ZDHHC14: variants seen among roughly 807,000 people sequenced by gnomAD.
ZDHHC14 encodes zDHHC palmitoyltransferase 14.
Under a neutral mutation model 47.7 loss-of-function variants are expected in ZDHHC14, and 16 were observed. The observed-to-expected ratio is 0.34, with a 90% confidence interval of 0.23 to 0.51. The LOEUF (loss-of-function observed/expected upper bound fraction) is 0.51. Among genes scored for constraint, ZDHHC14 ranks in the 20% least tolerant of loss-of-function variants. The pLI is 0.97. For missense variants in ZDHHC14, 515 were observed against 662.5 expected, an observed-to-expected ratio of 0.78 and a Z score of 2.44; for synonymous variants, 293 against 278.9, an observed-to-expected ratio of 1.05 and a Z score of -0.50.
rs1336362025 is a variant in ZDHHC14 at position 157,463,539 on chromosome 6, C to T, written c.246-79046C>T. Among the ~76,000 whole-genome samples the T allele has an allele frequency of 1.3e-5, 2 of 152,172 alleles. No homozygotes were observed. The highest frequency in any genetic ancestry group is 2.9e-5 in the Non-Finnish European group (2 of 68,024). On this transcript the variant is annotated intron_variant, in intron 1 of 8. Coordinates refer to ENST00000359775, the MANE Select transcript of ZDHHC14 (RefSeq NM_024630.3). This position sits in a 1 kb window ranked among gnomAD's most constrained non-coding sequence, Gnocchi z 4.4. ...GAGGGGTTGACAGTGACTGAGCCTA[C>T]AGGAAGAATCATCAGAAAGGAATGT...
intron 1 of ZDHHC14, among the ~76,000 whole-genome samples, chr6:157,542,165 A>C (rs904605763): frequency 6.6e-6 from 1 of 152,188 alleles, no homozygotes; most frequent in Non-Finnish European, 1.5e-5. Flanking sequence ...GGCTCTCATG[A>C]AGATCATTCT....
At chr6:157,598,790 G>C (rs534303626) in intron 3 of ZDHHC14, among the ~76,000 whole-genome samples, 1 of 152,116 alleles carries the variant, frequency 6.6e-6, no homozygotes, top group Non-Finnish European at 1.5e-5. Context: ...GTTGAACTTC[G>C]TTTTTACAAA....
intron 1 of ZDHHC14, among the ~76,000 whole-genome samples, chr6:157,425,675 C>G (rs1422182990): frequency 6.6e-6 from 1 of 152,196 alleles, no homozygotes; most frequent in Non-Finnish European, 1.5e-5. Flanking sequence ...TCATGTCACT[C>G]TTCTGCTTCC....
At chr6:157,611,530 A>G (rs139025680) in intron 3 of ZDHHC14, among the ~76,000 whole-genome samples, 3 of 152,220 alleles carry the variant, frequency 2.0e-5, no homozygotes, top group East Asian at 1.9e-4. Flanking sequence ...GCACATTTTC[A>G]TCCTGTTCTG....
intron 1 of ZDHHC14, among the ~76,000 whole-genome samples, chr6:157,485,210 T>C (rs903319871): frequency 1.3e-5 from 2 of 152,202 alleles, no homozygotes; most frequent in African/African-American, 4.8e-5. Context: ...CGTGAACTTG[T>C]ACAACAGCAT....
chr6:157,522,890 A>ATCCT (rs1170981998), intron 1 of ZDHHC14, among the ~76,000 whole-genome samples: 291 of 25,684 alleles, frequency 0.011, 31 homozygotes, highest in East Asian at 0.035. Context: ...TCTTCCTACC[A>ATCCT]TCCTTCCTTC....
At chr6:157,559,222 G>T (rs897775116) in intron 2 of ZDHHC14, among the ~76,000 whole-genome samples, 2 of 152,246 alleles carry the variant, frequency 1.3e-5, no homozygotes. Context: ...GGATGTGGTG[G>T]TCGGCCATCT....
At chr6:157,554,948 A>T (rs1304161637) in intron 2 of ZDHHC14, among the ~76,000 whole-genome samples, 2 of 152,108 alleles carry the variant, frequency 1.3e-5, no homozygotes, top group Non-Finnish European at 2.9e-5. Flanking sequence ...GGGTGCCTGC[A>T]CCCCTGTGTG....
chr6:157,548,308 G>T (rs9457751), intron 2 of ZDHHC14, among the ~76,000 whole-genome samples: 87,854 of 151,996 alleles, frequency 0.58, 25,604 homozygotes, highest in Admixed American at 0.62. Context: ...AGCCTCTCAC[G>T]CACTCTGACT....
At chr6:157,517,321 C>CTTTT (rs34872988) in intron 1 of ZDHHC14, among the ~76,000 whole-genome samples, 77,452 of 145,674 alleles carry the variant, frequency 0.53, 20,691 homozygotes, top group Non-Finnish European at 0.57. Context: ...TATAGTATCT[C>CTTTT]TTTTTTTTTT....
intron 1 of ZDHHC14, among the ~76,000 whole-genome samples, chr6:157,475,304 T>A (rs241579): frequency 6.6e-6 from 1 of 152,012 alleles, no homozygotes; most frequent in Non-Finnish European, 1.5e-5. Context: ...AAGCAGGTAA[T>A]GTGATGCCTC....
Position 157,673,167 on chromosome 6 carries a change from G to T in ZDHHC14, c.*45G>T. On this transcript the variant is annotated 3_prime_UTR_variant, in exon 9 of 9. Coordinates refer to ENST00000359775, the MANE Select transcript of ZDHHC14 (RefSeq NM_024630.3). This position sits in a 1 kb window ranked among gnomAD's most constrained non-coding sequence, Gnocchi z 5.4. ...GGGGACACCAGAGGCTCCTCCATGG[G>T]CAGCAGGAGTGAGCGGAGGGGTGTG... The T allele has an allele frequency of 6.6e-7, 1 of 1,517,366 alleles. No homozygotes were observed. Among genetic ancestry groups the T allele is most frequent in the African/African-American group, 1.4e-5 (1 of 71,318 alleles). The allele number at this position is 1,517,366 out of a possible 1,614,324, so 94.0% of individuals were successfully genotyped here. A position where few individuals can be genotyped will look rare whatever the true frequency, so the allele number is the denominator to read the frequency against.
chr6:157,615,002 C>G (rs538181824), intron 3 of ZDHHC14, among the ~76,000 whole-genome samples: 92 of 152,236 alleles, frequency 6.0e-4, no homozygotes, highest in African/African-American at 2.1e-3. Flanking sequence ...CTCCTGACCT[C>G]AGGGGATCCA....
At chr6:157,663,449 G>C (rs761692034) in intron 8 of ZDHHC14, among the ~76,000 whole-genome samples, 2 of 152,246 alleles carry the variant, frequency 1.3e-5, no homozygotes, top group Non-Finnish European at 2.9e-5. Flanking sequence ...GGCAAGGGCC[G>C]AACATCGACC....
chr6:157,523,969 A>G (rs968223945), intron 1 of ZDHHC14, among the ~76,000 whole-genome samples: 5 of 152,096 alleles, frequency 3.3e-5, no homozygotes, highest in African/African-American at 9.7e-5. Flanking sequence ...AATATTTCTT[A>G]GGAAATAAAA....
At chr6:157,436,756 C>T (rs1160104331) in intron 1 of ZDHHC14, among the ~76,000 whole-genome samples, 2 of 152,028 alleles carry the variant, frequency 1.3e-5, no homozygotes, top group South Asian at 2.1e-4. Flanking sequence ...AAGCCAGGCA[C>T]GTTTGCTTCA....
Position 157,625,889 on chromosome 6 carries a change from A to G in ZDHHC14, c.566-2460A>G, listed in dbSNP as rs1009690576. Reference sequence around the variant, plus strand: ...ACTGCTTTTAGCTCAGGGCTACCGGAGAGCCAGGAGTTCACACTCATCTCT... The same window carrying G: ...ACTGCTTTTAGCTCAGGGCTACCGGGGAGCCAGGAGTTCACACTCATCTCT... On this transcript the variant is annotated intron_variant, in intron 3 of 8. Transcript: ENST00000359775. Among the ~76,000 whole-genome samples the G allele has an allele frequency of 7.9e-5, 12 of 152,156 alleles. No homozygotes were observed. The East Asian group carries it at 2.3e-3, about 29-fold the overall frequency.
intron 2 of ZDHHC14, among the ~76,000 whole-genome samples, chr6:157,574,856 A>G (rs1783245411): frequency 6.6e-6 from 1 of 152,166 alleles, no homozygotes; most frequent in South Asian, 2.1e-4. Flanking sequence ...TCGATGTGAT[A>G]TGACTTAATT....
At chr6:157,517,691 A>C (rs1780747439) in intron 1 of ZDHHC14, among the ~76,000 whole-genome samples, 1 of 152,198 alleles carries the variant, frequency 6.6e-6, no homozygotes, top group Non-Finnish European at 1.5e-5. Context: ...CTGACCCTGA[A>C]CTAAGCCAGC....
Sources: gnomAD v4.1 joint callset for allele counts (sites outside exome capture counted in the v4.1 genomes callset) on GRCh38, gnomAD v4.1.1 for gene constraint, Gnocchi (gnomAD v3.1) non-coding constraint, MANE v1.5 for transcripts, NCBI Gene and HGNC (gene_info 2026-07-23, HGNC 2026-07-21) for gene names.